Variants in ST6GALNAC5 observed in about 807,000 individuals in gnomAD.
ST6GALNAC5 encodes ST6 N-acetylgalactosaminide alpha-2,6-sialyltransferase 5.
In ST6GALNAC5, 27 loss-of-function variants were observed where a neutral mutation model predicts 33.6. The observed-to-expected ratio is 0.80, with a 90% confidence interval of 0.59 to 1.11. ST6GALNAC5 has a LOEUF of 1.11. Ranked by LOEUF, ST6GALNAC5 falls within the 50% of genes least tolerant of loss-of-function variation. The pLI is 0.00. For missense variants in ST6GALNAC5, 428 were observed against 454.0 expected (o/e 0.94, Z 0.52); for synonymous variants, 194 against 171.2 (o/e 1.13, Z -1.04).
At chr1:76,997,269 G>A (rs1052653196) in intron 2 of ST6GALNAC5, among the ~76,000 whole-genome samples, 12 of 152,132 alleles carry the variant, frequency 7.9e-5, no homozygotes, top group East Asian at 1.9e-4. Context: ...GTACAGTTTC[G>A]TAGTTACAAG....
chr1:76,871,563 G>C (rs760758511), intron 2 of ST6GALNAC5, among the ~76,000 whole-genome samples: 9 of 152,080 alleles, frequency 5.9e-5, no homozygotes, highest in South Asian at 2.1e-4. Flanking sequence ...ATTACAGCCT[G>C]TCTGCAATGA....
intron 2 of ST6GALNAC5, among the ~76,000 whole-genome samples, chr1:76,894,997 G>A (rs913211296): frequency 3.9e-5 from 6 of 152,040 alleles, no homozygotes; most frequent in East Asian, 3.9e-4. Flanking sequence ...ATTCTCTGGC[G>A]GGCAGAGTGG....
intron 2 of ST6GALNAC5, among the ~76,000 whole-genome samples, chr1:76,980,362 A>G (rs536003737): frequency 8.3e-4 from 126 of 152,206 alleles, no homozygotes; most frequent in Non-Finnish European, 1.2e-4. Context: ...CATTTTTTGC[A>G]TTGATGATAC....
At position 76,901,088 on chromosome 1, in the gene ST6GALNAC5, G is replaced by T. The variant is rs914332790; in HGVS notation, c.261+32346G>T. 2.0e-5 allele frequency among the ~76,000 whole-genome samples: 3 copies of T among 152,328 alleles called. No individual in the cohort carries two copies. The East Asian group carries it at 5.8e-4, about 29-fold the overall frequency. ...ACTTAAAGATTGAGAAGATGGAATA[G>T]TTGCAATAAGTGTTTGTGGTACATT... On this transcript the variant is annotated intron_variant, in intron 2 of 4. Transcript: ENST00000477717.
intron 2 of ST6GALNAC5, among the ~76,000 whole-genome samples, chr1:76,890,431 C>CT (rs368282004): frequency 2.0e-5 from 3 of 152,028 alleles, no homozygotes; most frequent in Non-Finnish European, 2.9e-5. Context: ...GACTGTGCCC[C>CT]TTGTCCCTCC....
chr1:76,937,032 A>G (rs770055241), intron 2 of ST6GALNAC5, among the ~76,000 whole-genome samples: 5 of 150,052 alleles, frequency 3.3e-5, no homozygotes, highest in Non-Finnish European at 5.9e-5. Flanking sequence ...TTTTGGATAC[A>G]TTCCTCAGAG....
chr1:76,990,856 T>C (rs1358145277), intron 2 of ST6GALNAC5, among the ~76,000 whole-genome samples: 1 of 152,098 alleles, frequency 6.6e-6, no homozygotes, highest in East Asian at 1.9e-4. Context: ...GATAGTGCAG[T>C]AGTTGGGGAT....
intron 2 of ST6GALNAC5, among the ~76,000 whole-genome samples, chr1:77,020,688 A>C (rs1052782910): frequency 2.0e-5 from 3 of 152,230 alleles, no homozygotes; most frequent in Non-Finnish European, 2.9e-5. Context: ...GGCCTGAGCC[A>C]CTGTGCCCGG....
At position 76,897,860 on chromosome 1, in the gene ST6GALNAC5, C is replaced by T. The variant is rs182012819; in HGVS notation, c.261+29118C>T. On this transcript the variant is annotated intron_variant, in intron 2 of 4. Coordinates refer to ENST00000477717, the MANE Select transcript of ST6GALNAC5 (RefSeq NM_030965.3). ...GTTTAGAAGCCTGGCCGTCAATACC[C>T]ACAACAGTTATAGAGGCAAGGGAAA... Among the ~76,000 whole-genome samples the T allele has an allele frequency of 1.1e-3, 164 of 152,242 alleles. 1 individual carries two copies. The highest frequency in any genetic ancestry group is 1.7e-3 in the Non-Finnish European group (118 of 68,016).
At chr1:77,028,314 C>T (rs2100445037) in intron 2 of ST6GALNAC5, among the ~76,000 whole-genome samples, 1 of 152,254 alleles carries the variant, frequency 6.6e-6, no homozygotes, top group South Asian at 2.1e-4. Flanking sequence ...AAATCAGGTT[C>T]CCACAATCAA....
At chr1:76,909,591 G>C (rs932327519) in intron 2 of ST6GALNAC5, among the ~76,000 whole-genome samples, 1 of 151,862 alleles carries the variant, frequency 6.6e-6, no homozygotes, top group Non-Finnish European at 1.5e-5. Flanking sequence ...TAAAATTGTT[G>C]CAAAAAGAAA....
intron 2 of ST6GALNAC5, among the ~76,000 whole-genome samples, chr1:76,884,175 C>G (rs752383558): frequency 7.2e-5 from 11 of 152,180 alleles, no homozygotes; most frequent in Non-Finnish European, 1.3e-4. Flanking sequence ...CCTTAAGTTT[C>G]TATGATTGGC....
chr1:76,998,342 G>C (rs1435215517), intron 2 of ST6GALNAC5, among the ~76,000 whole-genome samples: 1 of 152,102 alleles, frequency 6.6e-6, no homozygotes, highest in Non-Finnish European at 1.5e-5. Flanking sequence ...GTTACAGTGA[G>C]CTATGATTGT....
intron 4 of ST6GALNAC5, among the ~76,000 whole-genome samples, chr1:77,053,557 T>C (rs1043472561): frequency 2.0e-5 from 3 of 152,172 alleles, no homozygotes; most frequent in Admixed American, 1.3e-4. Flanking sequence ...ACTCTGACTT[T>C]GAGAAAGTTA....
chr1:76,916,244 G>C (rs1429489729), intron 2 of ST6GALNAC5, among the ~76,000 whole-genome samples: 1 of 152,170 alleles, frequency 6.6e-6, no homozygotes, highest in East Asian at 1.9e-4. Flanking sequence ...ACTGGACTAA[G>C]CCAGCCTCAT....
chr1:76,971,321 G>A (rs895429766), intron 2 of ST6GALNAC5, among the ~76,000 whole-genome samples: 42 of 152,080 alleles, frequency 2.8e-4, no homozygotes, highest in Admixed American at 5.3e-4. Context: ...ACCAGATGCC[G>A]GATACAGTTC....
chr1:77,024,129 T>C (rs1311374836), intron 2 of ST6GALNAC5, among the ~76,000 whole-genome samples: 1 of 152,214 alleles, frequency 6.6e-6, no homozygotes, highest in African/African-American at 2.4e-5. Context: ...GGACCACAGC[T>C]TTATTCCAAC....
intron 2 of ST6GALNAC5, among the ~76,000 whole-genome samples, chr1:76,924,530 T>A (rs1435252164): frequency 6.6e-6 from 1 of 152,186 alleles, no homozygotes. Flanking sequence ...CCCTAAAATA[T>A]TCATAACCAG....
intron 2 of ST6GALNAC5, among the ~76,000 whole-genome samples, chr1:77,016,210 C>A (rs1230985459): frequency 2.9e-5 from 3 of 103,394 alleles, no homozygotes; most frequent in Non-Finnish European, 6.1e-5. Flanking sequence ...CCTCCCCCTC[C>A]TCCTCCTGTA....
Sources: gnomAD v4.1 joint callset for allele counts (sites outside exome capture counted in the v4.1 genomes callset) on GRCh38, gnomAD v4.1.1 for gene constraint, MANE v1.5 for transcripts, NCBI Gene and HGNC (gene_info 2026-07-23, HGNC 2026-07-21) for gene names.